The following FHIT variants were observed in gnomAD, a reference collection of about 807,000 sequenced individuals.
FHIT encodes fragile histidine triad diadenosine triphosphatase.
FHIT carries 19 observed loss-of-function variants against 17.9 expected under a neutral mutation model. That is an observed-to-expected ratio of 1.06 (90% confidence interval 0.74 to 1.56). The LOEUF (loss-of-function observed/expected upper bound fraction) is 1.56, where lower values mean the gene tolerates loss of function less well. FHIT is among the 40% of genes most tolerant of loss of function. The probability of loss-of-function intolerance (pLI) is 0.00; values close to 1 mark genes in which losing one functional copy is unlikely to be tolerated. For synonymous variants in FHIT, 81 were observed against 69.7 expected (o/e 1.16, Z -0.81); for missense variants, 248 against 189.2 (o/e 1.31, Z -1.82).
intron 5 of FHIT, among the ~76,000 whole-genome samples, chr3:60,363,940 T>G (rs921411570): frequency 6.6e-6 from 1 of 152,142 alleles, no homozygotes; most frequent in Non-Finnish European, 1.5e-5. Flanking sequence ...CTTCTGTCCT[T>G]TGAGGTTCCC....
At chr3:60,405,596 G>T (rs774198998) in intron 5 of FHIT, among the ~76,000 whole-genome samples, 1 of 152,306 alleles carries the variant, frequency 6.6e-6, no homozygotes, top group South Asian at 2.1e-4. Context: ...TGGGCAGGGC[G>T]CCCCCTGTGG....
At chr3:60,067,127 T>C (rs1702549483) in intron 5 of FHIT, among the ~76,000 whole-genome samples, 1 of 152,116 alleles carries the variant, frequency 6.6e-6, no homozygotes, top group Non-Finnish European at 1.5e-5. Flanking sequence ...AACTCCAAAA[T>C]AAACCTATTC....
At chr3:59,769,252 G>A (rs1170519842) in intron 8 of FHIT, among the ~76,000 whole-genome samples, 1 of 152,182 alleles carries the variant, frequency 6.6e-6, no homozygotes, top group African/African-American at 2.4e-5. Flanking sequence ...AAACAGAAAC[G>A]ACAGGCTGGA....
intron 4 of FHIT, among the ~76,000 whole-genome samples, chr3:60,583,671 C>T (rs146520268): frequency 1.3e-5 from 2 of 152,156 alleles, no homozygotes; most frequent in Non-Finnish European, 2.9e-5. Context: ...TAAAAACATG[C>T]TGTGGCCTGG....
intron 2 of FHIT, among the ~76,000 whole-genome samples, chr3:61,060,176 T>C (rs1222222251): frequency 6.6e-6 from 1 of 152,338 alleles, no homozygotes; most frequent in East Asian, 1.9e-4. Context: ...ATAGTTCGCA[T>C]AGATTTCAAT....
chr3:60,807,408 A>C (rs1701432289), intron 4 of FHIT, among the ~76,000 whole-genome samples: 1 of 147,524 alleles, frequency 6.8e-6, no homozygotes, highest in South Asian at 2.2e-4. Flanking sequence ...CCCTGTCTCT[A>C]CAAAAAAAAA....
chr3:60,110,608 G>A (rs893288835), intron 5 of FHIT, among the ~76,000 whole-genome samples: 1 of 152,064 alleles, frequency 6.6e-6, no homozygotes, highest in African/African-American at 2.4e-5. Context: ...CATCACCTCC[G>A]AGCCTCAGTT....
At chr3:60,436,578 T>C (rs1192126052) in intron 5 of FHIT, among the ~76,000 whole-genome samples, 1 of 43,202 alleles carries the variant, frequency 2.3e-5, no homozygotes, top group African/African-American at 4.3e-5. Context: ...AAATGTTTAC[T>C]TTGATATTTC....
At chr3:61,122,710 TC>T (rs1456738554) in intron 2 of FHIT, among the ~76,000 whole-genome samples, 1 of 152,146 alleles carries the variant, frequency 6.6e-6, no homozygotes, top group Non-Finnish European at 1.5e-5. Context: ...CAGTCACTTC[TC>T]AAAAGAAGAC....
chr3:60,195,326 A>T (rs1702577629), intron 5 of FHIT, among the ~76,000 whole-genome samples: 1 of 151,932 alleles, frequency 6.6e-6, no homozygotes, highest in African/African-American at 2.4e-5. Flanking sequence ...AAATTAGTAC[A>T]ACCTTTATGG....
rs536550307 is a variant in FHIT, at chr3:59,771,534, A to G, written c.349-19213T>C. 3.3e-5 allele frequency among the ~76,000 whole-genome samples: 5 copies of G among 152,322 alleles called. No homozygotes were observed. In the South Asian group the frequency reaches 1.0e-3, roughly 32 times the overall value. ...CCCCCCATAGAGTGTTGTGAAGTAG[A>G]AGCTATCGCCTCCCACTTTGCAGAT... On this transcript the variant is annotated intron_variant, in intron 8 of 9. Coordinates refer to ENST00000492590, the MANE Select transcript of FHIT (RefSeq NM_002012.4).
In FHIT at chr3:60,990,845, A is replaced by G. The variant is rs969499462; in HGVS notation, c.-111+51202T>C. Among the ~76,000 whole-genome samples, 5 of 152,232 alleles carry G rather than the reference A, an allele frequency of 3.3e-5. No homozygotes were observed. The South Asian group carries it at 8.3e-4, about 25-fold the overall frequency. On this transcript the variant is annotated intron_variant, in intron 3 of 9. Transcript: ENST00000492590. Reference sequence around the variant, plus strand: ...AAAACTTTCTTCCTTTATAAAATATATAAGGAAATGTCTTATAGAGTTACA... The same window carrying G: ...AAAACTTTCTTCCTTTATAAAATATGTAAGGAAATGTCTTATAGAGTTACA...
intron 8 of FHIT, among the ~76,000 whole-genome samples, chr3:59,842,406 G>T (rs1376712795): frequency 2.0e-5 from 3 of 152,126 alleles, no homozygotes; most frequent in Non-Finnish European, 2.9e-5. Flanking sequence ...TCCAGTTCCT[G>T]CTTTCAATTA....
At chr3:60,448,301 A>G (rs2031483633) in intron 5 of FHIT, among the ~76,000 whole-genome samples, 2 of 152,194 alleles carry the variant, frequency 1.3e-5, no homozygotes. Flanking sequence ...TGGTTTTCAT[A>G]ATTATCAAGT....
At chr3:60,130,045 T>C (rs934289710) in intron 5 of FHIT, among the ~76,000 whole-genome samples, 1 of 152,148 alleles carries the variant, frequency 6.6e-6, no homozygotes, top group Admixed American at 6.6e-5. Flanking sequence ...AGTCTAAGCA[T>C]TTTGGTGATA....
At chr3:60,616,344 G>C (rs116259736) in intron 4 of FHIT, among the ~76,000 whole-genome samples, 280 of 152,276 alleles carry the variant, frequency 1.8e-3, no homozygotes, top group African/African-American at 6.5e-3. Context: ...GCAACACCTG[G>C]TGTCAACATA....
chr3:60,346,632 C>A (rs112408539), intron 5 of FHIT, among the ~76,000 whole-genome samples: 1,775 of 152,284 alleles, frequency 0.012, 39 homozygotes, highest in African/African-American at 0.041. Context: ...TCCCCTCATC[C>A]TTCAAACTGT....
chr3:60,594,657 C>T (rs1553665591), intron 4 of FHIT, among the ~76,000 whole-genome samples: 1 of 152,090 alleles, frequency 6.6e-6, no homozygotes, highest in African/African-American at 2.4e-5. Flanking sequence ...GTTTTCTATT[C>T]CCCTACTTCC....
intron 3 of FHIT, among the ~76,000 whole-genome samples, chr3:60,965,692 G>T (rs1234527961): frequency 2.0e-5 from 3 of 152,202 alleles, no homozygotes; most frequent in African/African-American, 7.2e-5. Flanking sequence ...GTTGGAGTTT[G>T]CTGGAGGTCC....
Sources: allele counts gnomAD v4.1 joint callset (sites outside exome capture counted in the v4.1 genomes callset), GRCh38; gene constraint gnomAD v4.1.1; transcripts MANE v1.5; gene names NCBI Gene and HGNC (gene_info 2026-07-23, HGNC 2026-07-21).